Variants in PLEKHH1 observed in about 807,000 individuals in gnomAD.
The protein encoded by PLEKHH1 is pleckstrin homology domain-containing family H member 1.
Under a neutral mutation model 160.0 loss-of-function variants are expected in PLEKHH1, and 104 were observed. That is an observed-to-expected ratio of 0.65 (90% confidence interval 0.55 to 0.76). PLEKHH1 has a LOEUF of 0.76. Among genes scored for constraint, PLEKHH1 ranks in the 30% least tolerant of loss-of-function variants. The pLI, the probability that PLEKHH1 is intolerant of heterozygous loss-of-function variation, is 0.00. For synonymous variants in PLEKHH1, 619 were observed against 678.4 expected, an observed-to-expected ratio of 0.91 and a Z score of 1.36; for missense variants, 1,427 against 1,724.1, an observed-to-expected ratio of 0.83 and a Z score of 3.05.
At position 67,587,302 on chromosome 14, in the gene PLEKHH1, T is replaced by G. The variant is rs886775172; in HGVS notation, c.*67T>G. The stretch of plus-strand genomic sequence containing the variant: ...GGATTTAGAGATATATATCCTAGGG[T>G]ATGATACTACTGTGACGGGTCTAAC... On this transcript the variant is annotated 3_prime_UTR_variant, in exon 29 of 29. Coordinates refer to ENST00000329153, the MANE Select transcript of PLEKHH1 (RefSeq NM_020715.3). 1.3e-6 allele frequency: 2 copies of G among 1,569,946 alleles called. No individual in the cohort carries two copies. Among genetic ancestry groups the G allele is most frequent in the African/African-American group, 1.4e-5 (1 of 74,072 alleles).
chr14:67,557,496 C>A, intron 4 of PLEKHH1, 78 bp downstream of exon 4: 1 of 1,382,064 alleles, frequency 7.2e-7, no homozygotes, highest in Non-Finnish European at 1.0e-6. Flanking sequence ...TGAGCTGTTC[C>A]GCTCAAGCCC....
chr14:67,555,654 A>T (rs2034562988), intron 2 of PLEKHH1, among the ~76,000 whole-genome samples, 171 bp from the exon 3 acceptor site: 1 of 152,120 alleles, frequency 6.6e-6, no homozygotes, highest in African/African-American at 2.4e-5. Flanking sequence ...AGGATTAGGG[A>T]GCTGAGAGTT....
At chr14:67,567,146 CG>C (rs1391127394) in intron 7 of PLEKHH1, among the ~76,000 whole-genome samples, 1 of 112,950 alleles carries the variant, frequency 8.9e-6, no homozygotes, top group Non-Finnish European at 2.0e-5. Context: ...ACTCGTGTTC[CG>C]TGTTCCGGGG....
chr14:67,572,304 G>T lies in PLEKHH1; in HGVS notation c.1728+27G>T, dbSNP rs763334954. The T allele has an allele frequency of 7.7e-6, 12 of 1,563,552 alleles. 1 individual carries two copies. The Admixed American group carries it at 2.0e-4, about 27-fold the overall frequency. On this transcript the variant is annotated intron_variant, in intron 11 of 28. Coordinates refer to ENST00000329153, the MANE Select transcript of PLEKHH1 (RefSeq NM_020715.3). Reference sequence around the variant, plus strand: ...TGAGCCGGGAAACGGGCGGGGGCAGGGTGGAAGCAGAATGCAGCAGAGGCT... The same window carrying T: ...TGAGCCGGGAAACGGGCGGGGGCAGTGTGGAAGCAGAATGCAGCAGAGGCT...
Position 67,574,160 on chromosome 14 carries a change from G to T in PLEKHH1, c.1927-82G>T. ...AGAAGGCCAGCCCCTTGGGTTCAGG[G>T]ACAGGTGCCACCTCGGAGCCAGGTC... is the stretch of plus-strand genomic sequence containing the variant. On this transcript the variant is annotated intron_variant, in intron 13 of 28. Coordinates refer to ENST00000329153, the MANE Select transcript of PLEKHH1 (RefSeq NM_020715.3). This position sits in a 1 kb window ranked among gnomAD's most constrained non-coding sequence, Gnocchi z 4.2. The T allele has an allele frequency of 7.7e-7, 1 of 1,302,732 alleles. No homozygotes were observed. Among genetic ancestry groups the T allele is most frequent in the South Asian group, 1.5e-5 (1 of 65,764 alleles). 80.7% of individuals were successfully genotyped at this position (1,302,732 alleles called of 1,614,324 possible).
intron 7 of PLEKHH1, among the ~76,000 whole-genome samples, chr14:67,565,698 C>T (rs1173680665): frequency 1.3e-5 from 2 of 152,138 alleles, no homozygotes; most frequent in South Asian, 2.1e-4. Flanking sequence ...GACAGCTAAG[C>T]GTTGGCTCCT....
intron 2 of PLEKHH1, among the ~76,000 whole-genome samples, chr14:67,542,231 G>A (rs545304783): frequency 3.7e-4 from 57 of 152,248 alleles, no homozygotes; most frequent in South Asian, 8.3e-4. Flanking sequence ...CAATCTTCTC[G>A]GTCCCCCATC....
intron 4 of PLEKHH1, among the ~76,000 whole-genome samples, chr14:67,558,208 C>G (rs1344729106): frequency 1.3e-5 from 2 of 152,172 alleles, no homozygotes; most frequent in African/African-American, 4.8e-5. Context: ...CCTTACCTAC[C>G]CAGCTTTCCC....
chr14:67,586,432 A>G (rs749271), intron 28 of PLEKHH1: 535,347 of 1,313,240 alleles, frequency 0.41, 110,208 homozygotes, highest in South Asian at 0.44. Flanking sequence ...AGCAGTCCTC[A>G]AGGCAGGGCA....
At chr14:67,539,809 CAT>C (rs1226032794) in intron 1 of PLEKHH1, among the ~76,000 whole-genome samples, 6 of 152,182 alleles carry the variant, frequency 3.9e-5, no homozygotes, top group Non-Finnish European at 8.8e-5. Context: ...TCAGTGTCCT[CAT>C]GTGTGTGTGG....
chr14:67,576,984 T>G lies in PLEKHH1; in HGVS notation c.2462-318T>G, dbSNP rs536263613. ...TGAGGCTTGTTTGTTTCTGACCAAT[T>G]CATATGCCCCTCCATCCAGACTTGA... is the stretch of plus-strand genomic sequence containing the variant. On this transcript the variant is annotated intron_variant, in intron 17 of 28. Transcript: ENST00000329153. The surrounding 1 kb of genome is among the most constrained non-coding windows in gnomAD (Gnocchi z 4.0). 6.6e-6 allele frequency among the ~76,000 whole-genome samples: 1 copy of G among 152,086 alleles called. No individual in the cohort carries two copies. The highest frequency in any genetic ancestry group is 2.4e-5 in the African/African-American group (1 of 41,398).
In PLEKHH1 at chr14:67,573,744, G is replaced by T; in HGVS notation, c.1840-57G>T. ...TGGAGGAAGATCTGAGGGTAAATGAGGTGCTCCGGAAAGGCTCCACATTCA... is the reference window on the plus strand; with the variant it reads ...TGGAGGAAGATCTGAGGGTAAATGATGTGCTCCGGAAAGGCTCCACATTCA... On this transcript the variant is annotated intron_variant, in intron 12 of 28. Coordinates refer to ENST00000329153, the MANE Select transcript of PLEKHH1 (RefSeq NM_020715.3). The surrounding 1 kb of genome is among the most constrained non-coding windows in gnomAD (Gnocchi z 4.8). The T allele has an allele frequency of 9.1e-7, 1 of 1,097,576 alleles. No individual in the cohort carries two copies. The highest frequency in any genetic ancestry group is 1.4e-6 in the Non-Finnish European group (1 of 708,088). The allele number at this position is 1,097,576 out of a possible 1,614,324, so 68.0% of individuals were successfully genotyped here.
chr14:67,541,565 CT>C (rs569280162), intron 1 of PLEKHH1, among the ~76,000 whole-genome samples: 118 of 152,316 alleles, frequency 7.7e-4, no homozygotes, highest in Admixed American at 1.8e-3. Context: ...CTTTTCACTT[CT>C]GTCCAAATGA....
Position 67,587,714 on chromosome 14 carries a change from AT to A in PLEKHH1, c.*484del. The A allele has an allele frequency of 1.2e-5, 2 of 164,564 alleles. No individual in the cohort carries two copies. Among genetic ancestry groups the A allele is most frequent in the Admixed American group, 1.2e-4 (2 of 16,650 alleles). 10.2% of individuals were successfully genotyped at this position (164,564 alleles called of 1,614,324 possible). A position where few individuals can be genotyped will look rare whatever the true frequency, so the allele number is the denominator to read the frequency against. ...AGGTGTGCGCCACCATGCCCGGCTA[AT>A]TTTTGTATTTTTAGTAGAGACGGGG... On this transcript the variant is annotated 3_prime_UTR_variant, in exon 29 of 29. Transcript: ENST00000329153.
chr14:67,561,201 A>G (rs2034822072), intron 5 of PLEKHH1, among the ~76,000 whole-genome samples: 1 of 152,186 alleles, frequency 6.6e-6, no homozygotes, highest in South Asian at 2.1e-4. Context: ...GTATTCTCAC[A>G]GTCCCAACCC....
At chr14:67,557,549 A>G (rs948557534) in intron 4 of PLEKHH1, 131 bp downstream of exon 4, 1 of 744,402 alleles carries the variant, frequency 1.3e-6, no homozygotes, top group South Asian at 2.3e-5. Flanking sequence ...CTATTCTTTT[A>G]TGTGAAAATT....
chr14:67,545,549 T>C (rs2034142685), intron 2 of PLEKHH1, among the ~76,000 whole-genome samples: 1 of 151,554 alleles, frequency 6.6e-6, no homozygotes, highest in Non-Finnish European at 1.5e-5. Flanking sequence ...AAAAAAGGAG[T>C]AAACAGAAAG....
intron 7 of PLEKHH1, among the ~76,000 whole-genome samples, chr14:67,566,360 G>A (rs531953369): frequency 9.8e-5 from 15 of 152,288 alleles, no homozygotes; most frequent in Non-Finnish European, 2.1e-4. Flanking sequence ...GCAGGAAGTA[G>A]TCAGGCAAGG....
chr14:67,585,778 A>C, intron 27 of PLEKHH1, 124 bp downstream of exon 27: 1 of 995,922 alleles, frequency 1.0e-6, no homozygotes, highest in Non-Finnish European at 1.5e-6. Flanking sequence ...CTCCTGCCCA[A>C]GCACCAGTCC....
Sources: allele counts gnomAD v4.1 joint callset (sites outside exome capture counted in the v4.1 genomes callset), GRCh38; gene constraint gnomAD v4.1.1; non-coding constraint Gnocchi (gnomAD v3.1); transcripts MANE v1.5; gene names NCBI Gene and HGNC (gene_info 2026-07-23, HGNC 2026-07-21).